The following GSR variants were observed in gnomAD, a reference collection of about 807,000 sequenced individuals.
GSR encodes the protein glutathione-disulfide reductase, also known as glutathione reductase, mitochondrial.
Under a neutral mutation model 56.5 loss-of-function variants are expected in GSR, and 48 were observed. That is an observed-to-expected ratio of 0.85 (90% CI 0.67 to 1.08). The LOEUF (loss-of-function observed/expected upper bound fraction) is 1.08, where lower values mean the gene tolerates loss of function less well. Among genes scored for constraint, GSR ranks in the 50% least tolerant of loss-of-function variants. The pLI is 0.00. For synonymous variants in GSR, 264 were observed against 270.8 expected (o/e 0.97, Z 0.25); for missense variants, 694 against 703.3 (o/e 0.99, Z 0.15).
intron 1 of GSR, among the ~76,000 whole-genome samples, chr8:30,722,731 C>CAAAAAA (rs200083922): frequency 8.9e-6 from 1 of 112,728 alleles, no homozygotes; most frequent in African/African-American, 4.2e-5. Flanking sequence ...GACCCTGTCT[C>CAAAAAA]AAAAAAAAAA....
chr8:30,709,987 A>G (rs1804074531), intron 2 of GSR, 85 bp from the exon 3 acceptor site: 1 of 751,508 alleles, frequency 1.3e-6, no homozygotes, highest in Non-Finnish European at 2.3e-6. Context: ...AATGGTAACT[A>G]GGTAACAGCA....
At chr8:30,683,243 C>T (rs767020912) in intron 10 of GSR, among the ~76,000 whole-genome samples, 13 of 152,138 alleles carry the variant, frequency 8.5e-5, no homozygotes, top group Non-Finnish European at 1.9e-4. Flanking sequence ...AGCCACCACA[C>T]CTAGCCAAGA....
intron 1 of GSR, among the ~76,000 whole-genome samples, chr8:30,719,073 G>A (rs958189650): frequency 1.3e-5 from 2 of 150,520 alleles, no homozygotes; most frequent in African/African-American, 4.9e-5. Flanking sequence ...GGGATTACAG[G>A]TGCCCGCCAC....
intron 1 of GSR, among the ~76,000 whole-genome samples, chr8:30,722,727 GTCTCAAAA>G (rs1563547251): frequency 3.2e-5 from 1 of 31,372 alleles, no homozygotes. Flanking sequence ...ATGAGACCCT[GTCTCAAAA>G]AAAAAAAAAA....
chr8:30,688,246 G>A (rs1028768405), intron 9 of GSR, among the ~76,000 whole-genome samples: 1 of 152,096 alleles, frequency 6.6e-6, no homozygotes, highest in Admixed American at 6.6e-5. Context: ...TAGCAAAAAC[G>A]AAGTCTGTAA....
intron 12 of GSR, 30 bp from the exon 13 acceptor site, chr8:30,679,699 CT>C: frequency 1.3e-6 from 2 of 1,492,044 alleles, no homozygotes; most frequent in South Asian, 2.3e-5. Flanking sequence ...ATTTTCTTTT[CT>C]TTCTTCTTTT....
In GSR at chr8:30,678,201, G is replaced by A. The variant is rs1161097375; in HGVS notation, c.*1319C>T. The A allele has an allele frequency of 6.6e-6, 1 of 151,918 alleles. No homozygotes were observed. Among genetic ancestry groups the A allele is most frequent in the African/African-American group, 2.4e-5 (1 of 41,370 alleles). 9.4% of individuals were successfully genotyped at this position (151,918 alleles called of 1,614,324 possible). A position where few individuals can be genotyped will look rare whatever the true frequency, so the allele number is the denominator to read the frequency against. ...CTTAGCAGAGGAAGGGACTTTTGAT[G>A]TATTTGAATCCACCTCCTTCTGAAA... On this transcript the variant is annotated 3_prime_UTR_variant, in exon 13 of 13. Coordinates refer to ENST00000221130, the MANE Select transcript of GSR (RefSeq NM_000637.5).
Position 30,709,906 on chromosome 8 carries a change from T to TTAAA in GSR, c.334-5_334-4insTTTA. 1.0e-6 allele frequency: 1 copy of TTAAA among 999,712 alleles called. No homozygotes were observed. Among genetic ancestry groups the TTAAA allele is most frequent in the African/African-American group, 2.4e-5 (1 of 41,948 alleles). The allele number at this position is 999,712 out of a possible 1,614,324, so 61.9% of individuals were successfully genotyped here. Reference sequence around the variant, plus strand: ...GGACAGCTGTGTTCCACATTACCTGTAAAAAAAAAAAAAAAAAAGGATCCA... The same window carrying TTAAA: ...GGACAGCTGTGTTCCACATTACCTGTTAAAAAAAAAAAAAAAAAAAAAGGATCCA... On this transcript the variant is annotated splice_region_variant and splice_polypyrimidine_tract_variant and intron_variant, in intron 2 of 12. Coordinates refer to ENST00000221130, the MANE Select transcript of GSR (RefSeq NM_000637.5).
intron 5 of GSR, among the ~76,000 whole-genome samples, chr8:30,700,722 CCAAAAAAAA>C (rs1198188725): frequency 0.05 from 419 of 8,438 alleles, 8 homozygotes; most frequent in African/African-American, 0.07. Flanking sequence ...GATTTTGTCT[CCAAAAAAAA>C]AAAAAAAAAA....
At position 30,678,183 on chromosome 8, in the gene GSR, G is replaced by C. The variant is rs889815572; in HGVS notation, c.*1337C>G. On this transcript the variant is annotated 3_prime_UTR_variant, in exon 13 of 13. Transcript: ENST00000221130. ...TTCATTGAACTATAAACACTTAGCAGAGGAAGGGACTTTTGATGTATTTGA... is the reference window on the plus strand; with the variant it reads ...TTCATTGAACTATAAACACTTAGCACAGGAAGGGACTTTTGATGTATTTGA... 5 of 151,836 alleles carry C rather than the reference G, an allele frequency of 3.3e-5. No homozygotes were observed. The highest frequency in any genetic ancestry group is 4.8e-5 in the African/African-American group (2 of 41,334). The allele number at this position is 151,836 out of a possible 1,614,324, so 9.4% of individuals were successfully genotyped here.
intron 3 of GSR, among the ~76,000 whole-genome samples, chr8:30,708,772 C>T (rs1804004787): frequency 6.6e-6 from 1 of 151,636 alleles, no homozygotes; most frequent in African/African-American, 2.4e-5. Context: ...CTGGCTAACA[C>T]AGTGAAATCC....
At chr8:30,705,632 T>C (rs1032543571) in intron 4 of GSR, among the ~76,000 whole-genome samples, 3 of 152,100 alleles carry the variant, frequency 2.0e-5, no homozygotes, top group Admixed American at 6.6e-5. Context: ...CTCAGGGGGC[T>C]GAGGTGGGAG....
Position 30,689,405 on chromosome 8 carries a change from A to T in GSR, c.883-86T>A, listed in dbSNP as rs1803284903. 6.4e-6 allele frequency: 7 copies of T among 1,090,208 alleles called. No homozygotes were observed. The Admixed American group carries it at 1.2e-4, about 19-fold the overall frequency. The allele number at this position is 1,090,208 out of a possible 1,614,324, so 67.5% of individuals were successfully genotyped here. A position where few individuals can be genotyped will look rare whatever the true frequency, so the allele number is the denominator to read the frequency against. On this transcript the variant is annotated intron_variant, in intron 8 of 12. Coordinates refer to ENST00000221130, the MANE Select transcript of GSR (RefSeq NM_000637.5). ...GAAAGCAAATACAGAGGAAACTAGA[A>T]TTTTTAACATTAAAGAAAATCCCTA... is the stretch of plus-strand genomic sequence containing the variant.
At chr8:30,700,402 C>A (rs908240567) in intron 5 of GSR, among the ~76,000 whole-genome samples, 4 of 151,950 alleles carry the variant, frequency 2.6e-5, no homozygotes, top group Non-Finnish European at 5.9e-5. Context: ...CATGAACAGA[C>A]TCTGTTGGAT....
At chr8:30,696,686 G>A (rs1055651564) in intron 6 of GSR, among the ~76,000 whole-genome samples, 1 of 152,000 alleles carries the variant, frequency 6.6e-6, no homozygotes, top group African/African-American at 2.4e-5. Context: ...CTAAACCCTA[G>A]ACTGCAGATT....
At chr8:30,711,216 T>C (rs1320200072) in intron 2 of GSR, among the ~76,000 whole-genome samples, 1 of 152,168 alleles carries the variant, frequency 6.6e-6, no homozygotes, top group Non-Finnish European at 1.5e-5. Flanking sequence ...AGATGACAAG[T>C]TAAAATGGAA....
rs1802936908 is a variant in GSR, at chr8:30,681,021, T to C, written c.1302A>G (p.Lys434=). ...AGGTCTTCACATTTTCTATTCCATA[T>C]TTATGAATGGCTTCATCTACAATGC... ...VGLTEDEAIH[K]YGIENVKTYS... is the part of the protein sequence containing the mutation. The change falls in exon 12 of 13, where the codon AAA becomes AAG. Residue 434 remains lysine, a synonymous_variant. Coordinates refer to ENST00000221130, the MANE Select transcript of GSR (RefSeq NM_000637.5). 6.2e-7 allele frequency: 1 copy of C among 1,609,092 alleles called. No homozygotes were observed. Among genetic ancestry groups the C allele is most frequent in the Admixed American group, 1.7e-5 (1 of 59,986 alleles).
chr8:30,691,406 C>T lies in GSR; in HGVS notation c.882+1563G>A, dbSNP rs758648057. On this transcript the variant is annotated intron_variant, in intron 8 of 12. Transcript: ENST00000221130. ...AAAAACCCAAGAAAGATAGGCTGGGCACAGTAGCTCACTCCTGTAATCCCA... is the reference window on the plus strand; with the variant it reads ...AAAAACCCAAGAAAGATAGGCTGGGTACAGTAGCTCACTCCTGTAATCCCA... Among the ~76,000 whole-genome samples the T allele has an allele frequency of 9.6e-4, 145 of 151,286 alleles. No homozygotes were observed. The Middle Eastern group carries it at 0.014, about 14-fold the overall frequency.
At chr8:30,710,447 T>A (rs578038566) in intron 2 of GSR, among the ~76,000 whole-genome samples, 16 of 150,954 alleles carry the variant, frequency 1.1e-4, no homozygotes, top group South Asian at 2.1e-4. Flanking sequence ...CCGGGCACAG[T>A]GGCTCATGAC....
Sources: allele counts gnomAD v4.1 joint callset (sites outside exome capture counted in the v4.1 genomes callset), GRCh38; gene constraint gnomAD v4.1.1; transcripts MANE v1.5; gene names NCBI Gene and HGNC (gene_info 2026-07-23, HGNC 2026-07-21).